SLC25A21: variants seen among roughly 807,000 people sequenced by gnomAD.
SLC25A21 encodes the protein solute carrier family 25 member 21.
A neutral mutation model predicts 43.8 loss-of-function variants in SLC25A21; 47 were observed. The ratio of observed to expected loss-of-function variants is 1.07; its 90% CI spans 0.85 to 1.37. The LOEUF is 1.37. Among genes scored for constraint, SLC25A21 ranks in the 40% most tolerant of loss-of-function variants. The pLI, the probability that SLC25A21 is intolerant of heterozygous loss-of-function variation, is 0.00. For synonymous variants in SLC25A21, 131 were observed against 121.3 expected, an observed-to-expected ratio of 1.08 and a Z score of -0.52; for missense variants, 352 against 350.2, an observed-to-expected ratio of 1.00 and a Z score of -0.04.
At chr14:36,720,246 C>T (rs528407893) in intron 6 of SLC25A21, among the ~76,000 whole-genome samples, 1 of 152,368 alleles carries the variant, frequency 6.6e-6, no homozygotes, top group Admixed American at 6.5e-5. Context: ...TTGTCCTCGA[C>T]TGTCCTCTGC....
chr14:36,812,457 T>A (rs1888303896), intron 3 of SLC25A21, among the ~76,000 whole-genome samples: 1 of 150,198 alleles, frequency 6.7e-6, no homozygotes, highest in Non-Finnish European at 1.5e-5. Flanking sequence ...TATAAAAATA[T>A]ATAAAAGTTA....
At chr14:37,127,335 T>G (rs1453802148) in intron 1 of SLC25A21, among the ~76,000 whole-genome samples, 1 of 152,154 alleles carries the variant, frequency 6.6e-6, no homozygotes, top group Non-Finnish European at 1.5e-5. Context: ...CACCACAAAT[T>G]TCCACTCATC....
At chr14:37,143,754 T>C (rs773716155) in intron 1 of SLC25A21, among the ~76,000 whole-genome samples, 43 of 152,154 alleles carry the variant, frequency 2.8e-4, no homozygotes, top group Non-Finnish European at 1.0e-4. Context: ...TCTGGGGCAA[T>C]GGAGCAGACA....
At chr14:36,766,009 T>C (rs1291372672) in intron 3 of SLC25A21, among the ~76,000 whole-genome samples, 2 of 150,172 alleles carry the variant, frequency 1.3e-5, no homozygotes, top group African/African-American at 4.9e-5. Flanking sequence ...TGGAGCCTTT[T>C]GAGTTGCCAA....
chr14:36,847,356 C>G (rs1307650553), intron 2 of SLC25A21, among the ~76,000 whole-genome samples: 1 of 152,134 alleles, frequency 6.6e-6, no homozygotes, highest in Non-Finnish European at 1.5e-5. Context: ...CAGCCTAAAA[C>G]TAGGTTATTT....
chr14:36,981,054 G>A (rs1419184691), intron 1 of SLC25A21, among the ~76,000 whole-genome samples: 1 of 151,722 alleles, frequency 6.6e-6, no homozygotes, highest in African/African-American at 2.4e-5. Flanking sequence ...CTCAAAAGAA[G>A]ACATTTAGGC....
At chr14:37,006,487 T>C (rs920868744) in intron 1 of SLC25A21, among the ~76,000 whole-genome samples, 1 of 152,034 alleles carries the variant, frequency 6.6e-6, no homozygotes, top group African/African-American at 2.4e-5. Context: ...TCTGAAAAGA[T>C]TTGCCAAAAT....
chr14:36,877,585 T>C (rs1210954874), intron 1 of SLC25A21, among the ~76,000 whole-genome samples: 1 of 152,010 alleles, frequency 6.6e-6, no homozygotes, highest in Non-Finnish European at 1.5e-5. Context: ...CAAATAGTAA[T>C]GCATGGGAGG....
intron 2 of SLC25A21, among the ~76,000 whole-genome samples, chr14:36,816,463 ATT>A (rs1275704491): frequency 2.6e-5 from 4 of 151,146 alleles, no homozygotes; most frequent in African/African-American, 9.7e-5. Context: ...TTTCTCCTTA[ATT>A]TTTAAAAATG....
In SLC25A21 at chr14:36,738,879, T is replaced by C. The variant is rs565323062; in HGVS notation, c.204-4306A>G. ...TCTTACTATGTAATAGCTTTTGTGT[T>C]AAGAATAAAAACATGTAGGTATATG... On this transcript the variant is annotated intron_variant, in intron 3 of 9. Coordinates refer to ENST00000331299, the MANE Select transcript of SLC25A21 (RefSeq NM_030631.4). 3.3e-5 allele frequency among the ~76,000 whole-genome samples: 5 copies of C among 152,336 alleles called. No individual in the cohort carries two copies. In the East Asian group the frequency reaches 9.6e-4, roughly 29 times the overall value.
At chr14:36,949,817 C>T (rs1271639835) in intron 1 of SLC25A21, among the ~76,000 whole-genome samples, 1 of 152,166 alleles carries the variant, frequency 6.6e-6, no homozygotes, top group East Asian at 1.9e-4. Context: ...AGACTTTTAG[C>T]CTTCAGTATG....
intron 3 of SLC25A21, among the ~76,000 whole-genome samples, chr14:36,798,550 C>G (rs947343337): frequency 7.9e-6 from 1 of 127,386 alleles, no homozygotes; most frequent in Non-Finnish European, 1.7e-5. Flanking sequence ...AAGGCCAGAG[C>G]TGGGTTTTTT....
intron 2 of SLC25A21, among the ~76,000 whole-genome samples, chr14:36,833,173 A>G (rs1184344691): frequency 2.0e-5 from 3 of 152,244 alleles, no homozygotes; most frequent in Non-Finnish European, 4.4e-5. Context: ...CTATTAAAAT[A>G]AATTCTATAT....
chr14:37,063,639 C>T (rs1317431132), intron 1 of SLC25A21, among the ~76,000 whole-genome samples: 1 of 152,048 alleles, frequency 6.6e-6, no homozygotes, highest in African/African-American at 2.4e-5. Context: ...AGCACTTCAG[C>T]TTGACTGGCA....
At chr14:37,106,219 G>A (rs1469586588) in intron 1 of SLC25A21, among the ~76,000 whole-genome samples, 1 of 152,050 alleles carries the variant, frequency 6.6e-6, no homozygotes, top group African/African-American at 2.4e-5. Flanking sequence ...ATAACCATAA[G>A]GTCTGACTGC....
intron 6 of SLC25A21, among the ~76,000 whole-genome samples, chr14:36,723,264 C>T (rs375412086): frequency 2.0e-5 from 3 of 152,314 alleles, no homozygotes; most frequent in Admixed American, 6.5e-5. Context: ...TGAGTAAAAG[C>T]ACCTATGGCT....
In SLC25A21 at chr14:37,172,456, G is replaced by T; in HGVS notation, c.-106C>A. ...GCCCCGGCTGGGCTGGTCCTCAAGC[G>T]CGTTGGCTCCCTGTGGAGCAGCAAT... is the stretch of plus-strand genomic sequence containing the variant. On this transcript the variant is annotated 5_prime_UTR_variant, in exon 1 of 10. Transcript: ENST00000331299. The T allele has an allele frequency of 8.5e-7, 1 of 1,174,366 alleles. No homozygotes were observed. The highest frequency in any genetic ancestry group is 1.2e-6 in the Non-Finnish European group (1 of 803,380). The allele number at this position is 1,174,366 out of a possible 1,614,324, so 72.7% of individuals were successfully genotyped here.
At chr14:36,918,696 T>C (rs1009298864) in intron 1 of SLC25A21, among the ~76,000 whole-genome samples, 2 of 152,108 alleles carry the variant, frequency 1.3e-5, no homozygotes, top group Non-Finnish European at 2.9e-5. Context: ...TACTTTCTCA[T>C]TGTAAATGAT....
intron 1 of SLC25A21, among the ~76,000 whole-genome samples, chr14:36,882,562 G>A (rs987588363): frequency 2.6e-5 from 4 of 151,840 alleles, no homozygotes; most frequent in African/African-American, 9.7e-5. Context: ...TTGAGAAGAG[G>A]GAGCATTTAT....
Sources: allele counts gnomAD v4.1 joint callset (sites outside exome capture counted in the v4.1 genomes callset), GRCh38; gene constraint gnomAD v4.1.1; transcripts MANE v1.5; gene names NCBI Gene and HGNC (gene_info 2026-07-23, HGNC 2026-07-21).